CHLSN: variants seen among roughly 807,000 people sequenced by gnomAD.
CHLSN encodes cholesin.
the CHLSN span, among the ~76,000 whole-genome samples, chr7:1,070,914 A>G: frequency 2.3e-4 from 32 of 137,452 alleles, 2 homozygotes; most frequent in East Asian, 6.8e-3. Context: ...GCACGCACAC[A>G]CACAGCACGC....
the CHLSN span, among the ~76,000 whole-genome samples, chr7:1,008,915 G>A: frequency 9.0e-5 from 8 of 89,286 alleles, no homozygotes; most frequent in South Asian, 3.1e-4. Context: ...CACAACACAC[G>A]TATACACATG....
At chr7:1,121,588 G>C in the CHLSN span, among the ~76,000 whole-genome samples, 1 of 152,236 alleles carries the variant, frequency 6.6e-6, no homozygotes, top group Non-Finnish European at 1.5e-5. Flanking sequence ...CTACACGCCG[G>C]TTCAAGCCAA....
the CHLSN span, chr7:986,468 C>T: frequency 1.2e-6 from 1 of 832,250 alleles, no homozygotes; most frequent in South Asian, 1.7e-5. Context: ...CTGGTCCTCC[C>T]TTGAGGGCTA....
the CHLSN span, among the ~76,000 whole-genome samples, chr7:1,066,034 G>A: frequency 2.0e-5 from 3 of 152,334 alleles, no homozygotes; most frequent in Admixed American, 1.3e-4. Context: ...GGAGCCCTGC[G>A]CGGCCGGCAC....
chr7:1,127,356 T>G, the CHLSN span: 1 of 1,607,946 alleles, frequency 6.2e-7, no homozygotes, highest in Non-Finnish European at 8.5e-7. Context: ...TCTCTGTCAC[T>G]TCAGGAACTT....
chr7:1,014,430 C>T, the CHLSN span, among the ~76,000 whole-genome samples: 1 of 152,262 alleles, frequency 6.6e-6, no homozygotes, highest in African/African-American at 2.4e-5. Flanking sequence ...CCTTTCCGCC[C>T]ACCCCACCCG....
chr7:1,070,371 C>A, the CHLSN span, among the ~76,000 whole-genome samples: 7 of 128,700 alleles, frequency 5.4e-5, 1 homozygote, highest in South Asian at 1.8e-3. Context: ...GTCAGCCCCC[C>A]GCCCGGCCAG....
At chr7:980,053 C>T in the CHLSN span, among the ~76,000 whole-genome samples, 1 of 152,344 alleles carries the variant, frequency 6.6e-6, no homozygotes, top group East Asian at 1.9e-4. Context: ...CACAAGCCCT[C>T]CTGTGGAGGG....
At chr7:1,029,660 T>C in the CHLSN span, among the ~76,000 whole-genome samples, 9 of 152,222 alleles carry the variant, frequency 5.9e-5, no homozygotes, top group African/African-American at 2.2e-4. Flanking sequence ...AGGAGAGGCT[T>C]AGACTCCCTC....
At chr7:1,117,518 A>G in the CHLSN span, among the ~76,000 whole-genome samples, 1 of 131,324 alleles carries the variant, frequency 7.6e-6, no homozygotes, top group African/African-American at 3.2e-5. Context: ...CAGGATGATG[A>G]CATCACTACA....
At chr7:1,008,245 A>C in the CHLSN span, among the ~76,000 whole-genome samples, 1 of 152,092 alleles carries the variant, frequency 6.6e-6, no homozygotes, top group African/African-American at 2.4e-5. Flanking sequence ...CCCAGCCCAC[A>C]CCTTGCCCAC....
chr7:1,123,870 G>A, the CHLSN span, among the ~76,000 whole-genome samples: 1 of 130,986 alleles, frequency 7.6e-6, no homozygotes, highest in South Asian at 2.6e-4. This position sits in a 1 kb window ranked among gnomAD's most constrained non-coding sequence, Gnocchi z 4.4. Flanking sequence ...GGTGAACCGG[G>A]CTCCACCGAG....
At chr7:1,046,545 G>T in the CHLSN span, among the ~76,000 whole-genome samples, 48 of 152,288 alleles carry the variant, frequency 3.2e-4, no homozygotes, top group African/African-American at 1.0e-3. Flanking sequence ...AGGTAGCCAA[G>T]AGGACAGGGA....
At chr7:985,475 C>G in the CHLSN span, 1 of 918,354 alleles carries the variant, frequency 1.1e-6, no homozygotes, top group East Asian at 2.7e-5. Flanking sequence ...AATCAGGACC[C>G]ATCCGACGTT....
At chr7:1,126,989 G>T in the CHLSN span, among the ~76,000 whole-genome samples, 2 of 151,908 alleles carry the variant, frequency 1.3e-5, no homozygotes, top group African/African-American at 4.8e-5. Context: ...CCTGCATGCC[G>T]CCACCAAGTC....
the CHLSN span, chr7:1,028,543 G>T: frequency 1.5e-3 from 1,429 of 985,118 alleles, 16 homozygotes; most frequent in African/African-American, 0.023. Context: ...CTCCGACGAG[G>T]CTCTCTGGCC....
the CHLSN span, among the ~76,000 whole-genome samples, chr7:1,117,952 G>A: frequency 6.6e-6 from 1 of 152,164 alleles, no homozygotes; most frequent in Admixed American, 6.5e-5. Flanking sequence ...GGGACCACAG[G>A]CCTGTGCTTA....
chr7:1,060,634 C>G, the CHLSN span, among the ~76,000 whole-genome samples: 1 of 152,224 alleles, frequency 6.6e-6, no homozygotes, highest in African/African-American at 2.4e-5. Context: ...CTCGTGAGGA[C>G]GCGGCTCTGG....
chr7:1,024,994 G>C, the CHLSN span: 2 of 152,304 alleles, frequency 1.3e-5, no homozygotes, highest in Non-Finnish European at 2.9e-5. Context: ...ATTCTGGTTG[G>C]AGGTGTCACA....
Sources: allele counts gnomAD v4.1 joint callset (sites outside exome capture counted in the v4.1 genomes callset), GRCh38; gene constraint gnomAD v4.1.1; non-coding constraint Gnocchi (gnomAD v3.1); transcripts MANE v1.5; gene names NCBI Gene and HGNC (gene_info 2026-07-23, HGNC 2026-07-21).